Variants in CDYL observed in about 807,000 individuals in gnomAD.
CDYL encodes the protein chromodomain Y-like protein.
CDYL carries 8 observed loss-of-function variants against 47.3 expected under a neutral mutation model. The observed-to-expected ratio is 0.17, with a 90% confidence interval of 0.10 to 0.31. The LOEUF (loss-of-function observed/expected upper bound fraction) is 0.31, where lower values mean the gene tolerates loss of function less well. CDYL is among the 10% of genes least tolerant of loss of function. The pLI is 1.00. For synonymous variants in CDYL, 266 were observed against 265.0 expected (o/e 1.00, Z -0.04); for missense variants, 471 against 701.4 (o/e 0.67, Z 3.71).
intron 1 of CDYL, among the ~76,000 whole-genome samples, chr6:4,847,434 A>T (rs1236308067): frequency 6.6e-6 from 1 of 152,052 alleles, no homozygotes; most frequent in Non-Finnish European, 1.5e-5. Context: ...TTGCTCTTTG[A>T]TTCCATTTTT....
chr6:4,817,691 G>T (rs1437157990), intron 1 of CDYL, among the ~76,000 whole-genome samples: 1 of 152,068 alleles, frequency 6.6e-6, no homozygotes, highest in East Asian at 1.9e-4. Context: ...ATTAGCCACC[G>T]TTTTTGTATT....
chr6:4,725,747 G>T (rs577790378), intron 2 of CDYL, among the ~76,000 whole-genome samples: 77 of 152,386 alleles, frequency 5.1e-4, no homozygotes, highest in African/African-American at 1.8e-3. Flanking sequence ...CCAGAAAGGG[G>T]CTCCCACAGT....
At chr6:4,945,502 TGCTAAAACAC>T (rs1758485469) in intron 5 of CDYL, among the ~76,000 whole-genome samples, 2 of 152,104 alleles carry the variant, frequency 1.3e-5, no homozygotes, top group African/African-American at 4.8e-5. Context: ...GCCGCCCAAA[TGCTAAAACAC>T]TCACCCCCAA....
chr6:4,874,467 G>C (rs930036004), intron 1 of CDYL, among the ~76,000 whole-genome samples: 1 of 152,112 alleles, frequency 6.6e-6, no homozygotes, highest in Non-Finnish European at 1.5e-5. Flanking sequence ...AGGACCCCAC[G>C]CTCTCTGAAA....
At chr6:4,932,809 G>A (rs1581274840) in intron 2 of CDYL, among the ~76,000 whole-genome samples, 1 of 152,110 alleles carries the variant, frequency 6.6e-6, no homozygotes, top group Non-Finnish European at 1.5e-5. Context: ...CATTGCTGTC[G>A]GCTGTCACCT....
At chr6:4,894,536 T>C (rs548001805) in intron 2 of CDYL, among the ~76,000 whole-genome samples, 1 of 152,296 alleles carries the variant, frequency 6.6e-6, no homozygotes, top group East Asian at 1.9e-4. Context: ...CATAAAGTTT[T>C]CTTGGAACAC....
chr6:4,865,060 C>G (rs1049674418), intron 1 of CDYL, among the ~76,000 whole-genome samples: 6 of 152,138 alleles, frequency 3.9e-5, no homozygotes, highest in Non-Finnish European at 8.8e-5. Flanking sequence ...TGCCCCCTTG[C>G]CTCTAGTTTC....
Position 4,953,970 on chromosome 6 carries a change from T to G in CDYL, c.1549T>G (p.Cys517Gly). ...GCTGGAGCAGGCCAACGAGAGGGAG[T>G]GTGAGGTGCTGAAGAAAATCTGGGG... ...MELEQANERE[C>G]EVLKKIWGSA... The change falls in exon 7 of 7, where the codon TGT (cysteine) becomes GGT (glycine). Residue 517 changes from cysteine (C) to glycine (G), a missense_variant. Cys to Gly is a radical substitution (Grantham distance 159). Coordinates refer to ENST00000397588, the MANE Select transcript of CDYL (RefSeq NM_004824.4). The G allele has an allele frequency of 6.2e-7, 1 of 1,611,742 alleles. No individual in the cohort carries two copies. Among genetic ancestry groups the G allele is most frequent in the Non-Finnish European group, 8.5e-7 (1 of 1,179,152 alleles).
intron 3 of CDYL, among the ~76,000 whole-genome samples, chr6:4,766,522 T>C (rs1758254359): frequency 6.6e-6 from 1 of 152,132 alleles, no homozygotes; most frequent in Non-Finnish European, 1.5e-5. Context: ...TGAATATTTC[T>C]TTATTAAAGA....
At position 4,889,205 on chromosome 6, in the gene CDYL, A is replaced by G. The variant is rs114094155; in HGVS notation, c.25-2508A>G. ...CTATGGCTGCCTGCCGGTTAACTCA[A>G]AGAATGGTTTTCATACCTTTTTTTT... On this transcript the variant is annotated intron_variant, in intron 1 of 6. Coordinates refer to ENST00000397588, the MANE Select transcript of CDYL (RefSeq NM_004824.4). Among the ~76,000 whole-genome samples the G allele has an allele frequency of 7.6e-3, 1,155 of 152,220 alleles. 19 individuals carry two copies. The highest frequency in any genetic ancestry group is 0.027 in the African/African-American group (1,105 of 41,540).
intron 1 of CDYL, among the ~76,000 whole-genome samples, chr6:4,799,293 C>G (rs149528657): frequency 6.6e-6 from 1 of 152,142 alleles, no homozygotes; most frequent in African/African-American, 2.4e-5. Flanking sequence ...TTTTTGGAAT[C>G]TATTCAGAAT....
chr6:4,927,284 T>A (rs1327733216), intron 2 of CDYL, among the ~76,000 whole-genome samples: 4 of 152,216 alleles, frequency 2.6e-5, no homozygotes, highest in Non-Finnish European at 5.9e-5. Context: ...ATGTACCGAT[T>A]TATGTATATG....
Position 4,911,437 on chromosome 6 carries a change from AAC to A in CDYL, c.691+19060_691+19061del, listed in dbSNP as rs199898357. On this transcript the variant is annotated intron_variant, in intron 2 of 6. Transcript: ENST00000397588. ...CTGTGCACGGTAATGAGACTTGAAA[AAC>A]AGTTTTGCCCTAGGTCATTAGGAAA... Among the ~76,000 whole-genome samples the A allele has an allele frequency of 8.0e-4, 122 of 152,308 alleles. 2 individuals carry two copies. In the East Asian group the frequency reaches 0.023, roughly 29 times the overall value.
chr6:4,876,500 A>T (rs1158004416), intron 1 of CDYL, among the ~76,000 whole-genome samples: 1 of 151,876 alleles, frequency 6.6e-6, no homozygotes, highest in Non-Finnish European at 1.5e-5. Context: ...TATTTTTTTC[A>T]TTTTGGCCAT....
chr6:4,849,098 G>A (rs915925273), intron 1 of CDYL, among the ~76,000 whole-genome samples: 4 of 152,098 alleles, frequency 2.6e-5, no homozygotes, highest in African/African-American at 9.7e-5. Flanking sequence ...TTAGAAGAGT[G>A]GTCTGTCTTA....
intron 1 of CDYL, among the ~76,000 whole-genome samples, chr6:4,889,670 T>C (rs1378678255): frequency 6.6e-6 from 1 of 152,208 alleles, no homozygotes; most frequent in African/African-American, 2.4e-5. Context: ...ACATATTGTG[T>C]CTCGCTACTT....
intron 1 of CDYL, among the ~76,000 whole-genome samples, chr6:4,713,922 TAG>T (rs1757203765): frequency 6.6e-6 from 1 of 152,178 alleles, no homozygotes; most frequent in African/African-American, 2.4e-5. Flanking sequence ...TAATATCTAA[TAG>T]GTAAATCACA....
intron 1 of CDYL, among the ~76,000 whole-genome samples, chr6:4,871,436 C>T (rs761158605): frequency 2.6e-5 from 4 of 152,128 alleles, no homozygotes; most frequent in African/African-American, 9.7e-5. Flanking sequence ...TTGTTCAACC[C>T]GTACTATATC....
chr6:4,887,368 A>C (rs1761925758), intron 1 of CDYL, among the ~76,000 whole-genome samples: 1 of 152,184 alleles, frequency 6.6e-6, no homozygotes, highest in Non-Finnish European at 1.5e-5. Flanking sequence ...ATTTATTTCA[A>C]TAATGCTTTA....
Sources: allele counts gnomAD v4.1 joint callset (sites outside exome capture counted in the v4.1 genomes callset), GRCh38; gene constraint gnomAD v4.1.1; transcripts MANE v1.5; gene names NCBI Gene and HGNC (gene_info 2026-07-23, HGNC 2026-07-21).